Variants in BIRC6 observed in about 807,000 individuals in gnomAD.
The protein encoded by BIRC6 is baculoviral IAP repeat containing 6.
In BIRC6, 98 loss-of-function variants were observed where a neutral mutation model predicts 503.3. That is an observed-to-expected ratio of 0.19 (90% CI 0.17 to 0.23). The LOEUF (loss-of-function observed/expected upper bound fraction) is 0.23, where lower values mean the gene tolerates loss of function less well. BIRC6 is among the 10% of genes least tolerant of loss of function. The pLI, the probability that BIRC6 is intolerant of heterozygous loss-of-function variation, is 1.00. For missense variants in BIRC6, 5,360 were observed against 5,806.0 expected (o/e 0.92, Z 2.50); for synonymous variants, 2,240 against 2,078.7 (o/e 1.08, Z -2.11).
In BIRC6 at chr2:32,380,295, G is replaced by C. The variant is rs1403422888; in HGVS notation, c.645+5G>C. On this transcript the variant is annotated splice_donor_5th_base_variant and intron_variant, in intron 3 of 73. Coordinates refer to ENST00000421745, the MANE Select transcript of BIRC6 (RefSeq NM_016252.4). ...GCAAACCACAAAGTTGCTAAGGTAA[G>C]AAGTTAATAGATTGCCTCTTTTGGG... 6.3e-7 allele frequency: 1 copy of C among 1,586,216 alleles called. No homozygotes were observed. The highest frequency in any genetic ancestry group is 2.2e-5 in the East Asian group (1 of 44,500).
chr2:32,452,918 A>G (rs2046870702), intron 22 of BIRC6, among the ~76,000 whole-genome samples: 2 of 152,062 alleles, frequency 1.3e-5, no homozygotes, highest in South Asian at 4.1e-4. Context: ...GACCCCCAAT[A>G]AGACATTGGA....
At chr2:32,426,539 G>A (rs1286011325) in intron 10 of BIRC6, among the ~76,000 whole-genome samples, 1 of 152,250 alleles carries the variant, frequency 6.6e-6, no homozygotes, top group Non-Finnish European at 1.5e-5. Flanking sequence ...AGGAGGCGGA[G>A]GTTGCAGTGA....
At chr2:32,408,491 A>C (rs551395039) in intron 9 of BIRC6, among the ~76,000 whole-genome samples, 1 of 151,924 alleles carries the variant, frequency 6.6e-6, no homozygotes. Context: ...TCCTTTGTAA[A>C]GTGTTTGCTA....
intron 1 of BIRC6, among the ~76,000 whole-genome samples, chr2:32,371,398 A>G (rs929823913): frequency 1.3e-5 from 2 of 151,502 alleles, no homozygotes; most frequent in African/African-American, 4.8e-5. Flanking sequence ...TTTTGGAGAC[A>G]GAGTCTCGCT....
At chr2:32,470,925 A>G in intron 31 of BIRC6, 89 bp from the exon 32 acceptor site, 3 of 1,333,216 alleles carry the variant, frequency 2.3e-6, no homozygotes, top group Non-Finnish European at 3.1e-6. Context: ...TTGGATTTAT[A>G]GAATGTTTTG....
chr2:32,489,561 C>T (rs977437440), intron 42 of BIRC6, among the ~76,000 whole-genome samples: 22 of 152,008 alleles, frequency 1.4e-4, no homozygotes, highest in African/African-American at 5.3e-4. Flanking sequence ...CCTGTAAAAC[C>T]AGCACTTTGA....
chr2:32,531,573 G>C, intron 61 of BIRC6, 22 bp downstream of exon 61: 1 of 1,573,582 alleles, frequency 6.4e-7, no homozygotes, highest in South Asian at 1.2e-5. Context: ...TTTCCTAATC[G>C]AGTATATCAT....
At chr2:32,558,698 A>G (rs1011494075) in intron 65 of BIRC6, 3 of 152,240 alleles carry the variant, frequency 2.0e-5, no homozygotes, top group African/African-American at 4.8e-5. Context: ...ATGTTGCTTT[A>G]GTCCACAATA....
chr2:32,497,454 C>A lies in BIRC6; in HGVS notation c.8469-2093C>A, dbSNP rs148670173. 7.4e-3 allele frequency among the ~76,000 whole-genome samples: 1,119 copies of A among 152,232 alleles called. 7 individuals are homozygous for A. Among genetic ancestry groups the A allele is most frequent in the Middle Eastern group, 0.014 (4 of 292 alleles). ...TGTGTAATATGTGTATTGTCACTTA[C>A]TTAAGTATTTGGTAGCATTTGCCAT... On this transcript the variant is annotated intron_variant, in intron 45 of 73. Transcript: ENST00000421745.
At chr2:32,406,027 C>G (rs954192583) in intron 8 of BIRC6, among the ~76,000 whole-genome samples, 1 of 152,116 alleles carries the variant, frequency 6.6e-6, no homozygotes, top group Non-Finnish European at 1.5e-5. Flanking sequence ...GTTATGATAT[C>G]AAACTACTCT....
Position 32,482,462 on chromosome 2 carries a change from G to C in BIRC6, c.7576G>C (p.Ala2526Pro). Residue 2526 changes from alanine to proline, a missense_variant, in exon 39 of 74, where the codon GCT (alanine) becomes CCT (proline). By Grantham distance (27) the Ala-to-Pro change is conservative. Around this residue, in one of 16 missense-constraint regions of BIRC6, gnomAD observed 2,299 missense variants for 2,267.2 expected, o/e 1.01. Coordinates refer to ENST00000421745, the MANE Select transcript of BIRC6 (RefSeq NM_016252.4). ...ISSTWYDYWG[A>P]DYGTYNYNPY... ...CAGTACATGGTATGATTATTGGGGT[G>C]CTGATTATGGGACCTACAATTACAA... is the stretch of plus-strand genomic sequence containing the variant. 6.2e-7 allele frequency: 1 copy of C among 1,613,920 alleles called. No homozygotes were observed.
At chr2:32,580,589 A>G (rs1165051343) in intron 66 of BIRC6, among the ~76,000 whole-genome samples, 1 of 152,178 alleles carries the variant, frequency 6.6e-6, no homozygotes. Flanking sequence ...CTTAAAAGTA[A>G]TGTTGAGCCA....
At chr2:32,462,069 G>A (rs1352580334) in intron 23 of BIRC6, among the ~76,000 whole-genome samples, 5 of 151,814 alleles carry the variant, frequency 3.3e-5, no homozygotes, top group Non-Finnish European at 5.9e-5. Context: ...AAAAAAAGGT[G>A]GGGGGGATCA....
At chr2:32,595,629 C>G (rs943921805) in intron 68 of BIRC6, among the ~76,000 whole-genome samples, 12 of 152,178 alleles carry the variant, frequency 7.9e-5, no homozygotes, top group African/African-American at 2.9e-4. Context: ...TTATATGGTT[C>G]TGATTTATGA....
chr2:32,389,390 A>G (rs916034295), intron 4 of BIRC6, among the ~76,000 whole-genome samples: 3 of 151,386 alleles, frequency 2.0e-5, no homozygotes, highest in East Asian at 1.9e-4. Flanking sequence ...AAAAAAAAAA[A>G]GACCAGTTTA....
Position 32,553,886 on chromosome 2 carries a change from T to C in BIRC6, c.13144+4405T>C, listed in dbSNP as rs146995602. 9.8e-4 allele frequency among the ~76,000 whole-genome samples: 149 copies of C among 152,346 alleles called. 2 individuals carry two copies. The East Asian group carries it at 0.016, about 16-fold the overall frequency. ...AAAATAAAGACATCTGTTAGTGTTC[T>C]AGATAGGAAAATATATTATTTGTTC... On this transcript the variant is annotated intron_variant, in intron 65 of 73. Coordinates refer to ENST00000421745, the MANE Select transcript of BIRC6 (RefSeq NM_016252.4).
intron 33 of BIRC6, among the ~76,000 whole-genome samples, chr2:32,474,253 C>T (rs997333029): frequency 6.6e-6 from 1 of 151,816 alleles, no homozygotes; most frequent in Non-Finnish European, 1.5e-5. Context: ...CTAAGTTTTT[C>T]AGCTATGAGC....
intron 66 of BIRC6, among the ~76,000 whole-genome samples, chr2:32,591,375 A>G (rs903322838): frequency 6.6e-6 from 1 of 152,170 alleles, no homozygotes; most frequent in African/African-American, 2.4e-5. Flanking sequence ...TGGTAAAAAA[A>G]TAAAATTTAT....
intron 69 of BIRC6, among the ~76,000 whole-genome samples, chr2:32,598,528 C>G (rs936562341): frequency 6.6e-6 from 1 of 152,000 alleles, no homozygotes; most frequent in Non-Finnish European, 1.5e-5. Context: ...AATATATAAT[C>G]TCTACTTTTA....
Sources: gnomAD v4.1 joint callset for allele counts (sites outside exome capture counted in the v4.1 genomes callset) on GRCh38, gnomAD v4.1.1 for gene constraint, gnomAD v4.1.1 regional missense constraint, MANE v1.5 for transcripts, NCBI Gene and HGNC (gene_info 2026-07-23, HGNC 2026-07-21) for gene names.